The following TMEM94 variants were observed in gnomAD, a reference collection of about 807,000 sequenced individuals.
The protein encoded by TMEM94 is ER Mg2+ ATPase.
TMEM94 carries 81 observed loss-of-function variants against 158.6 expected under a neutral mutation model. The observed-to-expected ratio is 0.51, with a 90% CI of 0.43 to 0.61. The LOEUF (loss-of-function observed/expected upper bound fraction) is 0.61, where lower values mean the gene tolerates loss of function less well. TMEM94 is among the 20% of genes least tolerant of loss of function. The pLI, the probability that TMEM94 is intolerant of heterozygous loss-of-function variation, is 0.00. For missense variants in TMEM94, 1,435 were observed against 1,762.0 expected (o/e 0.81, Z 3.32); for synonymous variants, 751 against 730.7 (o/e 1.03, Z -0.45).
At chr17:75,463,176 G>GTATATATATA (rs1377936337) in intron 1 of TMEM94, among the ~76,000 whole-genome samples, 309 of 9,008 alleles carry the variant, frequency 0.034, 50 homozygotes, top group Non-Finnish European at 0.046. Context: ...GTGTGTGTGT[G>GTATATATATA]TGTATATATA....
Position 75,485,976 on chromosome 17 carries a change from T to C in TMEM94, c.250T>C (p.Cys84Arg), listed in dbSNP as rs2051562719. Residue 84 changes from cysteine (C) to arginine (R), a missense_variant, in exon 4 of 32, where the codon TGC (cysteine) becomes CGC (arginine). By Grantham distance (180) the Cys-to-Arg change is radical. Coordinates refer to ENST00000314256, the MANE Select transcript of TMEM94 (RefSeq NM_014738.6). The surrounding 1 kb of genome is among the most constrained non-coding windows in gnomAD (Gnocchi z 5.5). ...LLAVLLLLGC[C>R]GGQPAGSRGV... ...GGCCGTGCTGCTGCTGCTGGGCTGC[T>C]GCGGGGGACAGCCAGCCGGGAGGTG... 6.2e-6 allele frequency: 10 copies of C among 1,612,096 alleles called. No individual in the cohort carries two copies. Among genetic ancestry groups the C allele is most frequent in the Non-Finnish European group, 8.5e-6 (10 of 1,179,548 alleles).
At chr17:75,490,793 G>C in intron 11 of TMEM94, 35 bp downstream of exon 11, 1 of 1,592,694 alleles carries the variant, frequency 6.3e-7, no homozygotes, top group South Asian at 1.1e-5. Flanking sequence ...TCTCTCGCAG[G>C]TCCCTAGAGC....
intron 1 of TMEM94, among the ~76,000 whole-genome samples, chr17:75,461,088 A>C (rs2050049257): frequency 8.3e-6 from 1 of 120,664 alleles, no homozygotes; most frequent in African/African-American, 3.1e-5. Flanking sequence ...TCCTTTTGCG[A>C]TTGGCTTTTT....
chr17:75,485,386 T>A lies in TMEM94; in HGVS notation c.25-42T>A. 7.5e-6 allele frequency: 12 copies of A among 1,599,184 alleles called. No homozygotes were observed. Among genetic ancestry groups the A allele is most frequent in the Non-Finnish European group, 8.5e-6 (10 of 1,169,740 alleles). The stretch of plus-strand genomic sequence containing the variant: ...TGGGGCCCGCGTGCCTTGCATAGCC[T>A]TGGCCTGGCAGTGACGCCCAGCGCC... On this transcript the variant is annotated intron_variant, in intron 2 of 31. Coordinates refer to ENST00000314256, the MANE Select transcript of TMEM94 (RefSeq NM_014738.6). The surrounding 1 kb of genome is among the most constrained non-coding windows in gnomAD (Gnocchi z 5.5).
At chr17:75,475,175 G>A (rs1036465671) in intron 2 of TMEM94, among the ~76,000 whole-genome samples, 7 of 152,182 alleles carry the variant, frequency 4.6e-5, no homozygotes, top group Non-Finnish European at 8.8e-5. Flanking sequence ...AGTGGCTGGC[G>A]TGGAAGCTGA....
chr17:75,461,999 T>TTA, intron 1 of TMEM94, among the ~76,000 whole-genome samples: 1 of 76,826 alleles, frequency 1.3e-5, no homozygotes, highest in Admixed American at 1.1e-4. Context: ...TTTTTTTGTT[T>TTA]TGTTTTGTTT....
At chr17:75,480,153 C>A (rs186113914) in intron 2 of TMEM94, among the ~76,000 whole-genome samples, 48 of 151,934 alleles carry the variant, frequency 3.2e-4, no homozygotes, top group African/African-American at 1.0e-3. Context: ...TTAATTTCGA[C>A]CCCCTGCTGG....
chr17:75,477,709 G>A (rs2050784552), intron 2 of TMEM94, among the ~76,000 whole-genome samples: 2 of 152,080 alleles, frequency 1.3e-5, no homozygotes, highest in South Asian at 4.1e-4. Flanking sequence ...TCGTGCAGGA[G>A]CTGTGAAAGG....
intron 1 of TMEM94, among the ~76,000 whole-genome samples, chr17:75,463,192 A>G (rs1479149702): frequency 7.5e-6 from 1 of 134,166 alleles, no homozygotes; most frequent in Non-Finnish European, 1.5e-5. Flanking sequence ...ATATATATAT[A>G]TATATACAGT....
intron 1 of TMEM94, among the ~76,000 whole-genome samples, chr17:75,464,683 CT>C (rs758503868): frequency 0.1 from 6,921 of 66,498 alleles, 264 homozygotes; most frequent in Non-Finnish European, 0.2. Context: ...TTCCTTCTTT[CT>C]TTCTTTCTTT....
intron 1 of TMEM94, among the ~76,000 whole-genome samples, chr17:75,458,401 A>G (rs2049956855): frequency 1.3e-5 from 2 of 152,250 alleles, no homozygotes; most frequent in South Asian, 4.1e-4. Context: ...AAAAATTTAA[A>G]GCAATGGCAC....
Position 75,495,660 on chromosome 17 carries a change from T to C in TMEM94, c.2944+17T>C. 1 of 1,609,522 alleles carries C rather than the reference T, an allele frequency of 6.2e-7. No homozygotes were observed. Among genetic ancestry groups the C allele is most frequent in the Non-Finnish European group, 8.5e-7 (1 of 1,176,702 alleles). The stretch of plus-strand genomic sequence containing the variant: ...CCCCAGAGAGTGAGTGCTGTGGCCA[T>C]GGGTACTTGGGCAACCTGGTCCCGT... On this transcript the variant is annotated intron_variant, in intron 22 of 31. Coordinates refer to ENST00000314256, the MANE Select transcript of TMEM94 (RefSeq NM_014738.6). The surrounding 1 kb of genome is among the most constrained non-coding windows in gnomAD (Gnocchi z 5.6).
Position 75,499,871 on chromosome 17 carries a change from C to G in TMEM94, c.*537C>G, listed in dbSNP as rs1437450782. 6.4e-6 allele frequency: 1 copy of G among 156,696 alleles called. No individual in the cohort carries two copies. The highest frequency in any genetic ancestry group is 2.4e-5 in the African/African-American group (1 of 41,460). The allele number at this position is 156,696 out of a possible 1,614,324, so 9.7% of individuals were successfully genotyped here. ...CTGTGGGGGAGTCTCCCGCCTGAAC[C>G]TGAAGATGGAGCAGGGCCCCCGCTT... On this transcript the variant is annotated 3_prime_UTR_variant, in exon 32 of 32. Coordinates refer to ENST00000314256, the MANE Select transcript of TMEM94 (RefSeq NM_014738.6).
Position 75,492,977 on chromosome 17 carries a change from C to T in TMEM94, c.1961C>T (p.Ala654Val), listed in dbSNP as rs778898610. Residue 654 changes from alanine to valine, a missense_variant, in exon 16 of 32, where the codon GCG becomes GTG. This residue lies in a region of TMEM94 where 1,051 missense variants were observed against 1,254.4 expected (regional missense o/e 0.84). Transcript: ENST00000314256. The surrounding 1 kb of genome is among the most constrained non-coding windows in gnomAD (Gnocchi z 4.4). ...KELFKQENHL[A>V]LYRLPSAETM... is the part of the protein sequence containing the mutation. ...CTTTTCAAGCAGGAGAACCATCTGG[C>T]GCTGTACCGCCTCCCCAGTGCCGAG... 1.9e-5 allele frequency: 30 copies of T among 1,613,646 alleles called. No homozygotes were observed. The highest frequency in any genetic ancestry group is 1.6e-4 in the Middle Eastern group (1 of 6,082).
rs1237772675 is a variant in TMEM94, at chr17:75,496,827, G to A, written c.3321+20G>A. The A allele has an allele frequency of 1.9e-6, 3 of 1,610,374 alleles. No homozygotes were observed. The highest frequency in any genetic ancestry group is 2.5e-6 in the Non-Finnish European group (3 of 1,177,946). ...ATCCAGGTGAGGTGGGGCCCGCACAGGCATTGCCCCCGTGCCACTCACCCC... is the reference window on the plus strand; with the variant it reads ...ATCCAGGTGAGGTGGGGCCCGCACAAGCATTGCCCCCGTGCCACTCACCCC... On this transcript the variant is annotated intron_variant, in intron 25 of 31. Transcript: ENST00000314256.
Position 75,492,571 on chromosome 17 carries a change from C to T in TMEM94, c.1694C>T (p.Pro565Leu). The T allele has an allele frequency of 6.2e-7, 1 of 1,614,020 alleles. No homozygotes were observed. Among genetic ancestry groups the T allele is most frequent in the Non-Finnish European group, 8.5e-7 (1 of 1,179,982 alleles). Residue 565 changes from proline (P) to leucine (L), a missense_variant, in exon 15 of 32, where the codon CCC becomes CTC. This residue lies in a region of TMEM94 where 1,051 missense variants were observed against 1,254.4 expected (regional missense o/e 0.84). Transcript: ENST00000314256. The surrounding 1 kb of genome is among the most constrained non-coding windows in gnomAD (Gnocchi z 4.4). The part of the protein sequence containing the change: ...MLSLSQDQQN[P>L]SCIQFDDSNW... Reference sequence around the variant, plus strand: ...AGCCTGTCCCAGGACCAGCAGAACCCCTCCTGCATCCAGTTTGATGACTCC... The same window carrying T: ...AGCCTGTCCCAGGACCAGCAGAACCTCTCCTGCATCCAGTTTGATGACTCC...
chr17:75,491,375 AGCG>A lies in TMEM94; in HGVS notation c.1308_1310del (p.Ser436_Gly437delinsArg). 1 of 1,614,114 alleles carries A rather than the reference AGCG, an allele frequency of 6.2e-7. No homozygotes were observed. The highest frequency in any genetic ancestry group is 1.3e-5 in the African/African-American group (1 of 75,056). ...CAGCCCAGAGACTGTACTGTTCTTCAGCGGGAAGGTGGAGCCCCCTCACAGCAG... is the reference window on the plus strand; with the variant it reads ...CAGCCCAGAGACTGTACTGTTCTTCAGGAAGGTGGAGCCCCCTCACAGCAG... On this transcript the variant is annotated inframe_deletion, in exon 13 of 32. Coordinates refer to ENST00000314256, the MANE Select transcript of TMEM94 (RefSeq NM_014738.6). The surrounding 1 kb of genome is among the most constrained non-coding windows in gnomAD (Gnocchi z 5.1).
rs936299475 is a variant in TMEM94 at position 75,489,176 on chromosome 17, C to T, written c.765-90C>T. On this transcript the variant is annotated intron_variant, in intron 7 of 31. Transcript: ENST00000314256. This position sits in a 1 kb window ranked among gnomAD's most constrained non-coding sequence, Gnocchi z 5.0. ...GCAGGACTCACGGTGCTTGAAGAAGCGGTATCTGGCAGAGAGGCCCAGAAT... is the reference window on the plus strand; with the variant it reads ...GCAGGACTCACGGTGCTTGAAGAAGTGGTATCTGGCAGAGAGGCCCAGAAT... 13 of 1,247,400 alleles carry T rather than the reference C, an allele frequency of 1.0e-5. No homozygotes were observed. Among genetic ancestry groups the T allele is most frequent in the African/African-American group, 8.9e-5 (6 of 67,384 alleles). 77.3% of individuals were successfully genotyped at this position (1,247,400 alleles called of 1,614,324 possible).
At chr17:75,463,694 T>C (rs1363650457) in intron 1 of TMEM94, among the ~76,000 whole-genome samples, 1 of 152,240 alleles carries the variant, frequency 6.6e-6, no homozygotes, top group Non-Finnish European at 1.5e-5. Flanking sequence ...CTTAATATTT[T>C]TTCCAGTTAA....
Sources: gnomAD v4.1 joint callset for allele counts (sites outside exome capture counted in the v4.1 genomes callset) on GRCh38, gnomAD v4.1.1 for gene constraint, gnomAD v4.1.1 regional missense constraint, Gnocchi (gnomAD v3.1) non-coding constraint, MANE v1.5 for transcripts, NCBI Gene and HGNC (gene_info 2026-07-23, HGNC 2026-07-21) for gene names.